The following GPC6 variants were observed in gnomAD, a reference collection of about 807,000 sequenced individuals.
GPC6 encodes the protein glypican 6.
GPC6 carries 14 observed loss-of-function variants against 55.2 expected under a neutral mutation model. The observed-to-expected ratio is 0.25, with a 90% CI of 0.17 to 0.40. GPC6 has a LOEUF of 0.40. Ranked by LOEUF, GPC6 falls within the 10% of genes least tolerant of loss-of-function variation. The probability of loss-of-function intolerance (pLI) is 1.00; values close to 1 mark genes in which losing one functional copy is unlikely to be tolerated. For missense variants in GPC6, 641 were observed against 708.5 expected (o/e 0.90, Z 1.08); for synonymous variants, 278 against 259.6 (o/e 1.07, Z -0.68).
At chr13:93,275,676 G>C (rs1359287667) in intron 1 of GPC6, among the ~76,000 whole-genome samples, 2 of 152,054 alleles carry the variant, frequency 1.3e-5, no homozygotes, top group African/African-American at 4.8e-5. Context: ...TGCATCCTTG[G>C]TGTCTGTGTA....
intron 3 of GPC6, among the ~76,000 whole-genome samples, chr13:93,876,307 A>G (rs1324194074): frequency 6.6e-6 from 1 of 152,096 alleles, no homozygotes; most frequent in Middle Eastern, 3.4e-3. Flanking sequence ...TGATATCTGA[A>G]CTTAGGGAAA....
intron 4 of GPC6, among the ~76,000 whole-genome samples, chr13:94,214,950 A>G (rs1476724753): frequency 2.0e-5 from 3 of 152,246 alleles, no homozygotes; most frequent in African/African-American, 7.2e-5. Flanking sequence ...GAGGAAGTCT[A>G]TTCTGAATAA....
intron 1 of GPC6, among the ~76,000 whole-genome samples, chr13:93,400,661 T>A (rs1876037627): frequency 6.6e-6 from 1 of 152,170 alleles, no homozygotes; most frequent in Admixed American, 6.6e-5. Flanking sequence ...TAATTTTCTG[T>A]GATAGGATCA....
intron 5 of GPC6, among the ~76,000 whole-genome samples, chr13:94,288,780 A>ATATATATAATAAATATATATATTTGT (rs1159824696): frequency 6.6e-4 from 41 of 61,896 alleles, no homozygotes; most frequent in Admixed American, 1.1e-3. Context: ...TATATTTGTT[A>ATATATATAATAAATATATATATTTGT]TATATATAAT....
At chr13:93,994,993 T>C (rs1023145359) in intron 3 of GPC6, among the ~76,000 whole-genome samples, 1 of 152,146 alleles carries the variant, frequency 6.6e-6, no homozygotes, top group Non-Finnish European at 1.5e-5. Context: ...AGCAGAAATA[T>C]CTTCTATATA....
At chr13:93,363,781 T>C (rs1181221005) in intron 1 of GPC6, among the ~76,000 whole-genome samples, 1 of 151,366 alleles carries the variant, frequency 6.6e-6, no homozygotes, top group Non-Finnish European at 1.5e-5. Context: ...TTTCTCCACA[T>C]CCTCTCCAGC....
intron 1 of GPC6, among the ~76,000 whole-genome samples, chr13:93,510,813 G>T (rs1197681151): frequency 6.7e-6 from 1 of 150,064 alleles, no homozygotes; most frequent in Non-Finnish European, 1.5e-5. Flanking sequence ...ATGTTATTTT[G>T]TCTTTCTAAG....
intron 4 of GPC6, among the ~76,000 whole-genome samples, chr13:94,089,766 T>A (rs556369076): frequency 9.9e-5 from 15 of 152,254 alleles, no homozygotes; most frequent in African/African-American, 2.9e-4. Context: ...TGACTCAGAT[T>A]TTTTTCTCCA....
chr13:94,254,278 A>G (rs1297973346), intron 4 of GPC6, among the ~76,000 whole-genome samples: 1 of 152,102 alleles, frequency 6.6e-6, no homozygotes, highest in Non-Finnish European at 1.5e-5. Context: ...GATACTTCCA[A>G]GTAAGTAAGG....
chr13:93,642,360 A>G (rs1020787234), intron 2 of GPC6, among the ~76,000 whole-genome samples: 2 of 152,074 alleles, frequency 1.3e-5, no homozygotes, highest in South Asian at 2.1e-4. Context: ...TTCCAGGTGT[A>G]TAAGTGTCAC....
chr13:94,375,050 G>A (rs1181443439), intron 6 of GPC6, among the ~76,000 whole-genome samples: 6 of 149,640 alleles, frequency 4.0e-5, no homozygotes, highest in South Asian at 2.2e-4. Flanking sequence ...TCTCTGGGAC[G>A]CATTCAAAGC....
intron 4 of GPC6, among the ~76,000 whole-genome samples, chr13:94,104,100 A>G (rs527264493): frequency 1.3e-5 from 2 of 152,290 alleles, no homozygotes; most frequent in African/African-American, 4.8e-5. Flanking sequence ...CTTTCTACAT[A>G]TGGCTAGCCA....
intron 2 of GPC6, among the ~76,000 whole-genome samples, chr13:93,587,857 G>A (rs147721011): frequency 1.6e-3 from 241 of 152,216 alleles, no homozygotes; most frequent in Non-Finnish European, 2.4e-3. Flanking sequence ...CACATAATGC[G>A]TTTCGAAATT....
intron 4 of GPC6, among the ~76,000 whole-genome samples, chr13:94,110,078 A>G (rs897565858): frequency 6.4e-4 from 97 of 151,418 alleles, no homozygotes; most frequent in Admixed American, 1.5e-3. Flanking sequence ...AAAAAAAAAA[A>G]AAAGAAAAGA....
intron 1 of GPC6, among the ~76,000 whole-genome samples, chr13:93,347,771 G>C (rs1880480805): frequency 6.6e-6 from 1 of 152,306 alleles, no homozygotes; most frequent in East Asian, 1.9e-4. Context: ...TCCAATGAGA[G>C]GTGATTATAT....
intron 4 of GPC6, among the ~76,000 whole-genome samples, chr13:94,035,538 G>A (rs901900329): frequency 2.6e-5 from 4 of 151,938 alleles, no homozygotes; most frequent in East Asian, 3.9e-4. Context: ...CAAGTCCCAC[G>A]GCCACCATAA....
chr13:93,718,462 T>C (rs1447552008), intron 2 of GPC6, among the ~76,000 whole-genome samples: 2 of 152,072 alleles, frequency 1.3e-5, no homozygotes, highest in Non-Finnish European at 2.9e-5. Context: ...AATTATTTTT[T>C]TCTTGTAAAT....
rs180807820 is a variant in GPC6 at position 94,371,240 on chromosome 13, G to A, written c.1153-11174G>A. Among the ~76,000 whole-genome samples the A allele has an allele frequency of 3.0e-3, 463 of 152,182 alleles. 2 individuals are homozygous for A. The highest frequency in any genetic ancestry group is 5.4e-3 in the Non-Finnish European group (365 of 68,004). ...ATATCAATCTCTAGATTAAATATTA[G>A]GAAAGCTTAATTCCTCTTGTATTTT... On this transcript the variant is annotated intron_variant, in intron 6 of 8. Transcript: ENST00000377047.
intron 1 of GPC6, among the ~76,000 whole-genome samples, chr13:93,346,579 A>G (rs923531661): frequency 6.6e-6 from 1 of 152,182 alleles, no homozygotes; most frequent in African/African-American, 2.4e-5. Context: ...CAAGTGTAGA[A>G]AGTGCATCTC....
Sources: allele counts gnomAD v4.1 joint callset (sites outside exome capture counted in the v4.1 genomes callset), GRCh38; gene constraint gnomAD v4.1.1; transcripts MANE v1.5; gene names NCBI Gene and HGNC (gene_info 2026-07-23, HGNC 2026-07-21).